SHROOM2: variants seen among roughly 807,000 people sequenced by gnomAD.
SHROOM2 encodes shroom family member 2.
In SHROOM2, 33 loss-of-function variants were observed where a neutral mutation model predicts 75.9. The ratio of observed to expected loss-of-function variants is 0.43; its 90% CI spans 0.33 to 0.58. The LOEUF (loss-of-function observed/expected upper bound fraction) is 0.58, where lower values mean the gene tolerates loss of function less well. Among genes scored for constraint, SHROOM2 ranks in the 20% least tolerant of loss-of-function variants. The pLI is 0.04. For missense variants in SHROOM2, 1,434 were observed against 1,461.2 expected (o/e 0.98, Z 0.30); for synonymous variants, 655 against 663.6 (o/e 0.99, Z 0.20).
At chrX:9,873,614 C>G (rs2084182590) in intron 1 of SHROOM2, 38 bp from the exon 2 acceptor site, 4 of 1,204,754 alleles carry the variant, frequency 3.3e-6, no homozygotes, top group South Asian at 1.8e-5. Flanking sequence ...GGAATTGCTG[C>G]TCGTGGAAGG....
intron 1 of SHROOM2, among the ~76,000 whole-genome samples, chrX:9,870,678 C>T (rs1481538794): frequency 3.6e-5 from 4 of 112,143 alleles, no homozygotes; most frequent in Admixed American, 9.5e-5. Context: ...ATCTTTTCAC[C>T]TCTTTGTAGT....
chrX:9,936,459 C>G (rs1569177281), intron 6 of SHROOM2, among the ~76,000 whole-genome samples: 1 of 111,952 alleles, frequency 8.9e-6, no homozygotes, highest in African/African-American at 3.2e-5. Flanking sequence ...GGAAGTAATA[C>G]AGAACCGATG....
chrX:9,854,378 A>G (rs2084055737), intron 1 of SHROOM2, among the ~76,000 whole-genome samples: 1 of 111,720 alleles, frequency 9.0e-6, no homozygotes, highest in Non-Finnish European at 1.9e-5. Context: ...TGGGTTGGAT[A>G]GCGGGAGGAG....
rs2084847846 is a variant in SHROOM2, at chrX:9,949,011, T to C, written c.*2074T>C. 5.8e-6 allele frequency: 1 copy of C among 171,838 alleles called. No individual in the cohort carries two copies. Among genetic ancestry groups the C allele is most frequent in the African/African-American group, 2.9e-5 (1 of 34,058 alleles). 14.2% of individuals were successfully genotyped at this position (171,838 alleles called of 1,213,427 possible). A position where few individuals can be genotyped will look rare whatever the true frequency, so the allele number is the denominator to read the frequency against. ...ATGTGAATAATCCAATTGGTGTCTG[T>C]ACTCAGCCTTTTGATGTCTTTTTAG... On this transcript the variant is annotated 3_prime_UTR_variant, in exon 10 of 10. Coordinates refer to ENST00000380913, the MANE Select transcript of SHROOM2 (RefSeq NM_001649.4).
intron 1 of SHROOM2, among the ~76,000 whole-genome samples, chrX:9,813,541 C>T (rs745558602): frequency 5.1e-4 from 57 of 111,343 alleles, no homozygotes; most frequent in African/African-American, 1.8e-3. Context: ...AAAGAGTCAC[C>T]ACATAAATTG....
intron 1 of SHROOM2, among the ~76,000 whole-genome samples, chrX:9,828,662 A>G (rs2083900580): frequency 9.1e-6 from 1 of 110,169 alleles, no homozygotes; most frequent in Admixed American, 9.7e-5. Flanking sequence ...ATGGGGTCTC[A>G]CTATGTTGCC....
intron 1 of SHROOM2, among the ~76,000 whole-genome samples, chrX:9,809,286 C>T (rs912326640): frequency 2.7e-5 from 3 of 111,272 alleles, no homozygotes; most frequent in African/African-American, 9.8e-5. Flanking sequence ...GCATCCAGCA[C>T]GGGAGAAAGA....
rs570983388 is a variant in SHROOM2 at position 9,896,373 on chromosome X, C to T, written c.2465C>T (p.Pro822Leu). 1.7e-5 allele frequency: 21 copies of T among 1,211,361 alleles called. No individual in the cohort carries two copies. Among genetic ancestry groups the T allele is most frequent in the South Asian group, 8.8e-5 (5 of 56,924 alleles). The change falls in exon 4 of 10, where the codon CCG becomes CTG. Residue 822 changes from proline (P) to leucine (L), a missense_variant. By Grantham distance (98) the Pro-to-Leu change is moderately conservative. Around this residue, in one of 3 missense-constraint regions of SHROOM2, gnomAD observed 1,340 missense variants for 1,338.3 expected, o/e 1.00. Transcript: ENST00000380913. ...CAGAAGCAAGCTCTTCACGGAATCC[C>T]GAGAGACAAGCCAGAGAGGCCGCGG... ...PAQKQALHGI[P>L]RDKPERPRTA...
intron 6 of SHROOM2, among the ~76,000 whole-genome samples, chrX:9,935,310 T>TTTATTATTATTATTA (rs201503800): frequency 1.9e-3 from 187 of 99,166 alleles, no homozygotes; most frequent in East Asian, 0.019. Flanking sequence ...TCCTCCTTCT[T>TTTATTATTATTATTA]TTATTATTAT....
intron 1 of SHROOM2, among the ~76,000 whole-genome samples, chrX:9,866,824 C>T (rs892788469): frequency 9.0e-6 from 1 of 110,987 alleles, no homozygotes; most frequent in Non-Finnish European, 1.9e-5. Context: ...TCCCCCACTT[C>T]GGCCCTATCT....
At chrX:9,890,859 A>G in intron 2 of SHROOM2, 118 bp from the exon 3 acceptor site, 5 of 723,239 alleles carry the variant, frequency 6.9e-6, no homozygotes, top group Non-Finnish European at 9.8e-6. Flanking sequence ...AGCCCCCTGC[A>G]CTGTTTGGCA....
At chrX:9,873,937 C>A in intron 2 of SHROOM2, 134 bp downstream of exon 2, 1 of 634,071 alleles carries the variant, frequency 1.6e-6, no homozygotes, top group Non-Finnish European at 2.3e-6. Context: ...TTATATGTCT[C>A]GGCCAAGCAT....
chrX:9,868,727 CTTTTTTTTTTTTTT>C (rs56343437), intron 1 of SHROOM2, among the ~76,000 whole-genome samples: 2 of 28,716 alleles, frequency 7.0e-5, no homozygotes, highest in Non-Finnish European at 1.1e-4. Context: ...ATTTTTTACC[CTTTTTTTTTTTTTT>C]TTTTTTTTTT....
chrX:9,793,008 C>T lies in SHROOM2; in HGVS notation c.165+6298C>T, dbSNP rs766950609. Among the ~76,000 whole-genome samples, 7 of 111,478 alleles carry T rather than the reference C, an allele frequency of 6.3e-5. No homozygotes were observed. The Admixed American group carries it at 6.6e-4, about 11-fold the overall frequency. ...TATAGGCATGAGCCATCGTGACACG[C>T]TAGGAGTGTCAGTGTATCTTTTATG... is the stretch of plus-strand genomic sequence containing the variant. On this transcript the variant is annotated intron_variant, in intron 1 of 9. Transcript: ENST00000380913.
Position 9,937,243 on chromosome X carries a change from G to A in SHROOM2, c.3697G>A (p.Ala1233Thr), listed in dbSNP as rs145258676. ...KESRQSLACP[A>T]EPPALPHGLE... is the part of the protein sequence containing the mutation. ...GAGCCGCCAGAGCCTGGCATGCCCCGCCGAGCCACCTGCCCTGCCCCACGG... is the reference window on the plus strand; with the variant it reads ...GAGCCGCCAGAGCCTGGCATGCCCCACCGAGCCACCTGCCCTGCCCCACGG... The change falls in exon 7 of 10, where the codon GCC becomes ACC. Residue 1233 changes from alanine to threonine, a missense_variant. Transcript: ENST00000380913. The A allele has an allele frequency of 1.1e-4, 128 of 1,207,790 alleles. No homozygotes were observed. The highest frequency in any genetic ancestry group is 1.3e-4 in the Non-Finnish European group (115 of 894,005).
At chrX:9,804,161 G>A (rs186712045) in intron 1 of SHROOM2, among the ~76,000 whole-genome samples, 68 of 111,546 alleles carry the variant, frequency 6.1e-4, no homozygotes, top group African/African-American at 2.1e-3. Context: ...CCCAGTGGAT[G>A]AGGTCTTTGG....
At position 9,786,696 on chromosome X, in the gene SHROOM2, C is replaced by T. The variant is rs1185619393; in HGVS notation, c.151C>T (p.Leu51=). ...LKGGREHGEP[L]VITKIEEGSK... is the part of the protein sequence containing the mutation. ...GGGCGGCCGCGAGCACGGCGAGCCG[C>T]TGGTCATCACCAAGGTAAGGCGGCC... The change falls in exon 1 of 10, where the codon CTG becomes TTG. Residue 51 remains leucine (L), a synonymous_variant. Transcript: ENST00000380913. 2.7e-5 allele frequency: 24 copies of T among 886,989 alleles called. No homozygotes were observed. The highest frequency in any genetic ancestry group is 3.2e-5 in the Non-Finnish European group (23 of 723,742). 73.1% of individuals were successfully genotyped at this position (886,989 alleles called of 1,213,427 possible).
intron 1 of SHROOM2, among the ~76,000 whole-genome samples, chrX:9,840,341 A>G (rs2083973084): frequency 8.9e-6 from 1 of 111,733 alleles, no homozygotes; most frequent in South Asian, 3.7e-4. Flanking sequence ...GTGCAGTGGC[A>G]TGATCATGGC....
intron 1 of SHROOM2, chrX:9,819,209 A>G (rs1213044899): frequency 2.0e-6 from 2 of 1,016,920 alleles, no homozygotes; most frequent in Non-Finnish European, 2.7e-6. Flanking sequence ...CACATTCAGG[A>G]CAGAGAACAA....
Sources: allele counts gnomAD v4.1 joint callset (sites outside exome capture counted in the v4.1 genomes callset), GRCh38; gene constraint gnomAD v4.1.1; regional missense constraint gnomAD v4.1.1; transcripts MANE v1.5; gene names NCBI Gene and HGNC (gene_info 2026-07-23, HGNC 2026-07-21).